SOBP: variants seen among roughly 807,000 people sequenced by gnomAD.
SOBP encodes the protein sine oculis binding protein homolog.
Under a neutral mutation model 53.6 loss-of-function variants are expected in SOBP, and 4 were observed. The ratio of observed to expected loss-of-function variants is 0.07; its 90% confidence interval spans 0.04 to 0.17. The LOEUF (loss-of-function observed/expected upper bound fraction) is 0.17. Among genes scored for constraint, SOBP ranks in the 10% least tolerant of loss-of-function variants. The pLI, the probability that SOBP is intolerant of heterozygous loss-of-function variation, is 1.00. For synonymous variants in SOBP, 584 were observed against 522.6 expected (o/e 1.12, Z -1.60); for missense variants, 1,088 against 1,204.7 (o/e 0.90, Z 1.43).
intron 6 of SOBP, among the ~76,000 whole-genome samples, chr6:107,653,902 G>A (rs1050195081): frequency 6.6e-6 from 1 of 152,216 alleles, no homozygotes; most frequent in African/African-American, 2.4e-5. Context: ...AAAGGTGAGA[G>A]TGGCCATATT....
chr6:107,543,210 A>G (rs1583192974), intron 4 of SOBP, among the ~76,000 whole-genome samples: 1 of 152,212 alleles, frequency 6.6e-6, no homozygotes. Context: ...ATTCAGCAGC[A>G]CAGTGGTCTT....
At chr6:107,519,852 G>A (rs1164045933) in intron 3 of SOBP, among the ~76,000 whole-genome samples, 2 of 151,934 alleles carry the variant, frequency 1.3e-5, no homozygotes, top group African/African-American at 4.8e-5. Flanking sequence ...CTACTTTCTG[G>A]GATCACATGC....
chr6:107,588,211 C>T (rs1253763894), intron 5 of SOBP, among the ~76,000 whole-genome samples: 1 of 152,092 alleles, frequency 6.6e-6, no homozygotes, highest in Non-Finnish European at 1.5e-5. Context: ...GCTCTGATAC[C>T]AACTGTTCAT....
chr6:107,562,706 G>A (rs1784806280), intron 4 of SOBP, among the ~76,000 whole-genome samples: 1 of 152,064 alleles, frequency 6.6e-6, no homozygotes, highest in African/African-American at 2.4e-5. Context: ...GATCCCTTGA[G>A]GAAGGGACTG....
Position 107,490,348 on chromosome 6 carries a change from C to T in SOBP, c.-269C>T. ...TTGGCTGCGGCGGCGGCGGCGGCGG[C>T]AGCAGGAGCCGGAGCGACGGCGGCG... On this transcript the variant is annotated 5_prime_UTR_variant, in exon 1 of 7. Transcript: ENST00000317357. The T allele has an allele frequency of 6.2e-6, 1 of 160,206 alleles. No individual in the cohort carries two copies. Among genetic ancestry groups the T allele is most frequent in the Non-Finnish European group, 1.3e-5 (1 of 75,074 alleles). 9.9% of individuals were successfully genotyped at this position (160,206 alleles called of 1,614,324 possible).
chr6:107,609,183 A>G (rs559058115), intron 5 of SOBP, among the ~76,000 whole-genome samples: 54 of 152,342 alleles, frequency 3.5e-4, no homozygotes, highest in African/African-American at 1.3e-3. Flanking sequence ...TGTAAATTGT[A>G]TAGATGTACT....
At chr6:107,513,228 G>C (rs1314194338) in intron 3 of SOBP, among the ~76,000 whole-genome samples, 1 of 152,172 alleles carries the variant, frequency 6.6e-6, no homozygotes, top group African/African-American at 2.4e-5. Flanking sequence ...CTGTCCTCCA[G>C]GATGGTTTGC....
At chr6:107,575,583 G>A (rs566194701) in intron 4 of SOBP, among the ~76,000 whole-genome samples, 61 of 152,180 alleles carry the variant, frequency 4.0e-4, no homozygotes, top group African/African-American at 1.4e-3. Context: ...AGAAGGGGTG[G>A]GGCTGCTCAC....
chr6:107,572,422 A>G (rs1045248655), intron 4 of SOBP, among the ~76,000 whole-genome samples: 3 of 151,274 alleles, frequency 2.0e-5, no homozygotes, highest in East Asian at 1.9e-4. Flanking sequence ...TTGTGTCTCA[A>G]CCTCCGGAGT....
chr6:107,518,177 G>A (rs1783376275), intron 3 of SOBP, among the ~76,000 whole-genome samples: 1 of 152,046 alleles, frequency 6.6e-6, no homozygotes, highest in African/African-American at 2.4e-5. Flanking sequence ...AGAAAAATAG[G>A]CAAAAAATGT....
chr6:107,510,904 C>G (rs1562580953), intron 3 of SOBP: 1 of 152,152 alleles, frequency 6.6e-6, no homozygotes, highest in Non-Finnish European at 1.5e-5. Context: ...CATGTGTATG[C>G]TTTGGATTCC....
rs779182636 is a variant in SOBP at position 107,633,714 on chromosome 6, C to A, written c.870C>A (p.Thr290=). The change falls in exon 6 of 7, where the codon ACC becomes ACA. Residue 290 remains threonine (T), a synonymous_variant. Transcript: ENST00000317357. Reference sequence around the variant, plus strand: ...CCATGGAAAATAAAGCAGAAGGCACCGGGGTGCAGCTGCTCACTCCAGACT... The same window carrying A: ...CCATGGAAAATAAAGCAGAAGGCACAGGGGTGCAGCTGCTCACTCCAGACT... ...HPPMENKAEG[T]GVQLLTPDSW... 6.2e-7 allele frequency: 1 copy of A among 1,614,214 alleles called. No individual in the cohort carries two copies. Among genetic ancestry groups the A allele is most frequent in the African/African-American group, 1.3e-5 (1 of 75,036 alleles).
intron 5 of SOBP, among the ~76,000 whole-genome samples, chr6:107,602,974 A>G (rs1260269905): frequency 1.7e-5 from 1 of 57,552 alleles, no homozygotes; most frequent in Non-Finnish European, 2.8e-5. Context: ...GTCCCCCACA[A>G]AAAAAAAAAA....
At chr6:107,656,447 C>T (rs1772071278) in intron 6 of SOBP, among the ~76,000 whole-genome samples, 1 of 152,102 alleles carries the variant, frequency 6.6e-6, no homozygotes, top group African/African-American at 2.4e-5. Flanking sequence ...AAAAGGTTTC[C>T]ATGGCCTTGT....
chr6:107,617,161 G>A (rs923748048), intron 5 of SOBP, among the ~76,000 whole-genome samples: 10 of 152,308 alleles, frequency 6.6e-5, no homozygotes, highest in African/African-American at 2.2e-4. Context: ...GTGTGCGCTG[G>A]CTTTTGAATT....
At chr6:107,608,628 C>T (rs1583268040) in intron 5 of SOBP, among the ~76,000 whole-genome samples, 1 of 152,182 alleles carries the variant, frequency 6.6e-6, no homozygotes. Context: ...TGCCCAGTGA[C>T]CTGGCTGTAG....
intron 5 of SOBP, among the ~76,000 whole-genome samples, chr6:107,601,339 T>C (rs1423904911): frequency 6.6e-6 from 1 of 152,192 alleles, no homozygotes; most frequent in African/African-American, 2.4e-5. Context: ...TTGTTTCCCA[T>C]ATGAGAGTAG....
At chr6:107,623,639 A>G (rs1466441294) in intron 5 of SOBP, among the ~76,000 whole-genome samples, 1 of 152,226 alleles carries the variant, frequency 6.6e-6, no homozygotes, top group African/African-American at 2.4e-5. Context: ...TTTGCTCTGT[A>G]AAAAATACAG....
intron 4 of SOBP, among the ~76,000 whole-genome samples, chr6:107,540,114 G>C (rs1251506583): frequency 6.6e-6 from 1 of 152,210 alleles, no homozygotes; most frequent in Non-Finnish European, 1.5e-5. Flanking sequence ...AAGGGCAGGT[G>C]GCTTGCCTTG....
Sources: allele counts gnomAD v4.1 joint callset (sites outside exome capture counted in the v4.1 genomes callset), GRCh38; gene constraint gnomAD v4.1.1; transcripts MANE v1.5; gene names NCBI Gene and HGNC (gene_info 2026-07-23, HGNC 2026-07-21).